Variants in HSF2BP observed in about 807,000 individuals in gnomAD.
HSF2BP encodes the protein heat shock factor 2-binding protein.
A neutral mutation model predicts 35.0 loss-of-function variants in HSF2BP; 35 were observed. The observed-to-expected ratio is 1.00, with a 90% CI of 0.76 to 1.32. The LOEUF is 1.32. HSF2BP is among the 40% of genes most tolerant of loss of function. The pLI is 0.00. For synonymous variants in HSF2BP, 114 were observed against 117.4 expected (o/e 0.97, Z 0.18); for missense variants, 326 against 321.7 (o/e 1.01, Z -0.10).
At chr21:43,629,429 G>T (rs2146991981) in intron 6 of HSF2BP, among the ~76,000 whole-genome samples, 1 of 152,326 alleles carries the variant, frequency 6.6e-6, no homozygotes, top group African/African-American at 2.4e-5. Flanking sequence ...GCTGGGCATG[G>T]TGGCGCATGC....
At chr21:43,626,880 T>C (rs1278277100) in intron 6 of HSF2BP, among the ~76,000 whole-genome samples, 3 of 150,946 alleles carry the variant, frequency 2.0e-5, no homozygotes, top group African/African-American at 7.4e-5. Flanking sequence ...TTTTTTTTTT[T>C]TTTAAGAGAC....
intron 8 of HSF2BP, among the ~76,000 whole-genome samples, chr21:43,588,638 C>T (rs1475021822): frequency 6.6e-6 from 1 of 152,138 alleles, no homozygotes; most frequent in African/African-American, 2.4e-5. Flanking sequence ...ATGTAACAAA[C>T]GTAACACACT....
intron 7 of HSF2BP, among the ~76,000 whole-genome samples, chr21:43,595,660 AAAT>A (rs1187344750): frequency 6.6e-6 from 1 of 151,844 alleles, no homozygotes; most frequent in Non-Finnish European, 1.5e-5. Flanking sequence ...CCTATCTCAA[AAAT>A]AATAACTAAA....
intron 2 of HSF2BP, among the ~76,000 whole-genome samples, chr21:43,657,517 C>A (rs7279968): frequency 1.3e-5 from 2 of 152,132 alleles, no homozygotes; most frequent in African/African-American, 4.8e-5. Flanking sequence ...ACTATTCACC[C>A]CAAGCCTCCA....
At chr21:43,656,836 CGTT>C (rs1245424017) in intron 2 of HSF2BP, 99 bp from the exon 3 acceptor site, 14 of 963,468 alleles carry the variant, frequency 1.5e-5, no homozygotes, top group Non-Finnish European at 1.9e-5. Flanking sequence ...TTATGTGCAT[CGTT>C]GTTTCAAATC....
rs374836977 is a variant in HSF2BP, at chr21:43,650,700, TGC to T, written c.187+5885_187+5886del. Among the ~76,000 whole-genome samples, 9 of 148,722 alleles carry T rather than the reference TGC, an allele frequency of 6.1e-5. 1 individual carries two copies. In the South Asian group the frequency reaches 1.5e-3, roughly 25 times the overall value. The stretch of plus-strand genomic sequence containing the variant: ...GAGGTTCCTATAGTGTTTTCAGGCT[TGC>T]TTTTTTTTTTTTTTTTTTTTTTTGA... On this transcript the variant is annotated intron_variant, in intron 3 of 8. Transcript: ENST00000291560.
intron 4 of HSF2BP, among the ~76,000 whole-genome samples, chr21:43,640,242 T>C (rs902117397): frequency 6.6e-6 from 1 of 152,210 alleles, no homozygotes; most frequent in African/African-American, 2.4e-5. Flanking sequence ...TCAAGGATGC[T>C]GTGAGCCATG....
At chr21:43,604,657 CCACA>C (rs757355507) in intron 7 of HSF2BP, among the ~76,000 whole-genome samples, 12 of 130,216 alleles carry the variant, frequency 9.2e-5, no homozygotes, top group Non-Finnish European at 1.8e-4. Flanking sequence ...CACACACACA[CCACA>C]CACACACACC....
rs371621711 is a variant in HSF2BP at position 43,587,698 on chromosome 21, G to A, written c.796+4527C>T. The stretch of plus-strand genomic sequence containing the variant: ...AAAAAAAAAAAAAAGGAAAGCCTGG[G>A]ATGATGTCCCAGAAGCAAAAAAAAA... On this transcript the variant is annotated intron_variant, in intron 8 of 8. Coordinates refer to ENST00000291560, the MANE Select transcript of HSF2BP (RefSeq NM_007031.2). Among the ~76,000 whole-genome samples the A allele has an allele frequency of 2.0e-5, 3 of 148,258 alleles. No homozygotes were observed. The East Asian group carries it at 5.9e-4, about 29-fold the overall frequency.
intron 8 of HSF2BP, among the ~76,000 whole-genome samples, chr21:43,579,398 C>T (rs970517242): frequency 3.3e-5 from 5 of 152,162 alleles, no homozygotes. Flanking sequence ...ATTTTAGTAG[C>T]CTACTTTGAT....
chr21:43,608,723 A>G (rs141057582), intron 7 of HSF2BP, among the ~76,000 whole-genome samples: 1 of 152,222 alleles, frequency 6.6e-6, no homozygotes, highest in African/African-American at 2.4e-5. Flanking sequence ...GCACTTTGGG[A>G]GGCTGAGGTG....
intron 7 of HSF2BP, among the ~76,000 whole-genome samples, chr21:43,594,575 T>A (rs1163175852): frequency 2.0e-5 from 3 of 152,088 alleles, no homozygotes; most frequent in African/African-American, 7.2e-5. Context: ...TTCAAGACAC[T>A]AGAAGAATAA....
intron 7 of HSF2BP, among the ~76,000 whole-genome samples, chr21:43,604,891 C>A (rs1390011305): frequency 7.2e-6 from 1 of 139,750 alleles, no homozygotes; most frequent in Non-Finnish European, 1.5e-5. Flanking sequence ...ACACTACACA[C>A]CACACACATC....
rs375853631 is a variant in HSF2BP at position 43,656,572 on chromosome 21, A to G, written c.187+15T>C. 423 of 1,603,706 alleles carry G rather than the reference A, an allele frequency of 2.6e-4. 1 individual carries two copies. Among genetic ancestry groups the G allele is most frequent in the Non-Finnish European group, 3.4e-4 (400 of 1,176,818 alleles). ...TTACTGTTACCACCAATGACTGCTGAAAATGAAGACTCACTTTTTTCTACA... is the reference window on the plus strand; with the variant it reads ...TTACTGTTACCACCAATGACTGCTGGAAATGAAGACTCACTTTTTTCTACA... On this transcript the variant is annotated intron_variant, in intron 3 of 8. Coordinates refer to ENST00000291560, the MANE Select transcript of HSF2BP (RefSeq NM_007031.2).
At chr21:43,594,308 G>A (rs2081959573) in intron 7 of HSF2BP, among the ~76,000 whole-genome samples, 2 of 152,176 alleles carry the variant, frequency 1.3e-5, no homozygotes, top group Admixed American at 1.3e-4. Flanking sequence ...AGTAAGTAAA[G>A]GGATGTGAGT....
At chr21:43,617,791 T>TA (rs2082288079) in intron 6 of HSF2BP, among the ~76,000 whole-genome samples, 1 of 151,668 alleles carries the variant, frequency 6.6e-6, no homozygotes, top group Non-Finnish European at 1.5e-5. Context: ...CCATCTCTAC[T>TA]AAAAATACAA....
At chr21:43,620,632 T>C (rs761016794) in intron 6 of HSF2BP, among the ~76,000 whole-genome samples, 25 of 151,976 alleles carry the variant, frequency 1.6e-4, no homozygotes, top group Non-Finnish European at 3.4e-4. Flanking sequence ...GAGTTCGAGG[T>C]TGCAGTGAGC....
At chr21:43,657,722 AG>A (rs886724615) in intron 2 of HSF2BP, 1 of 526,746 alleles carries the variant, frequency 1.9e-6, no homozygotes, top group African/African-American at 2.1e-5. Context: ...GTCCCGAAGC[AG>A]GGGGCCAGGG....
At chr21:43,636,260 AAAG>A (rs900231290) in intron 4 of HSF2BP, among the ~76,000 whole-genome samples, 3 of 128,472 alleles carry the variant, frequency 2.3e-5, no homozygotes, top group African/African-American at 5.9e-5. Flanking sequence ...AAAGAAAAGA[AAAG>A]AAAAGAAAAA....
Sources: gnomAD v4.1 joint callset for allele counts (sites outside exome capture counted in the v4.1 genomes callset) on GRCh38, gnomAD v4.1.1 for gene constraint, MANE v1.5 for transcripts, NCBI Gene and HGNC (gene_info 2026-07-23, HGNC 2026-07-21) for gene names.